Variants in ZNF423 observed in about 807,000 individuals in gnomAD.
ZNF423 encodes the protein Ebf-associated zinc finger protein.
In ZNF423, 12 loss-of-function variants were observed where a neutral mutation model predicts 95.8. The ratio of observed to expected loss-of-function variants is 0.13; its 90% CI spans 0.08 to 0.20. ZNF423 has a LOEUF of 0.20. Among genes scored for constraint, ZNF423 ranks in the 10% least tolerant of loss-of-function variants. The pLI, the probability that ZNF423 is intolerant of heterozygous loss-of-function variation, is 1.00. For synonymous variants in ZNF423, 749 were observed against 711.9 expected (o/e 1.05, Z -0.83); for missense variants, 1,316 against 1,737.1 (o/e 0.76, Z 4.31).
intron 3 of ZNF423, among the ~76,000 whole-genome samples, chr16:49,656,322 C>A (rs1335395455): frequency 1.3e-5 from 2 of 151,970 alleles, no homozygotes; most frequent in African/African-American, 4.8e-5. Context: ...ACCAGCCTGG[C>A]CAACATGGTG....
rs1967024115 is a variant in ZNF423, at chr16:49,492,810, G to C, written c.3850-1506C>G. ...TGGGACTTCTTAAGATGAAGACACC[G>C]AGGCCTAGGAAGGCAAAAATTACAG... On this transcript the variant is annotated intron_variant, in intron 7 of 7. Transcript: ENST00000563137. This position sits in a 1 kb window ranked among gnomAD's most constrained non-coding sequence, Gnocchi z 4.2. 1.3e-5 allele frequency among the ~76,000 whole-genome samples: 2 copies of C among 152,136 alleles called. No individual in the cohort carries two copies.
chr16:49,679,703 G>A (rs2031270656), intron 3 of ZNF423, among the ~76,000 whole-genome samples: 1 of 152,254 alleles, frequency 6.6e-6, no homozygotes, highest in South Asian at 2.1e-4. Flanking sequence ...ATGATTGATG[G>A]TGGCAGGAAG....
chr16:49,568,068 T>C (rs1171578045), intron 5 of ZNF423, among the ~76,000 whole-genome samples: 1 of 152,070 alleles, frequency 6.6e-6, no homozygotes, highest in Non-Finnish European at 1.5e-5. Flanking sequence ...ATTCCATGTC[T>C]CTGGATAAAG....
At chr16:49,833,814 C>T (rs2035087139) in intron 1 of ZNF423, among the ~76,000 whole-genome samples, 1 of 125,980 alleles carries the variant, frequency 7.9e-6, no homozygotes, top group South Asian at 2.9e-4. Flanking sequence ...GGAGCATGTG[C>T]AGGGGGGCAG....
chr16:49,731,192 G>A (rs1288200194), intron 2 of ZNF423: 2 of 540,520 alleles, frequency 3.7e-6, no homozygotes, highest in Non-Finnish European at 2.4e-6. Context: ...ATCTTCTAGG[G>A]GGATTTCCTG....
chr16:49,582,219 C>T (rs1302534710), intron 5 of ZNF423, among the ~76,000 whole-genome samples: 1 of 152,194 alleles, frequency 6.6e-6, no homozygotes, highest in Non-Finnish European at 1.5e-5. Context: ...ACTCTGTTCC[C>T]TTCCTGAATC....
chr16:49,763,879 G>C (rs1314673023), intron 2 of ZNF423, among the ~76,000 whole-genome samples: 1 of 152,116 alleles, frequency 6.6e-6, no homozygotes, highest in Non-Finnish European at 1.5e-5. Context: ...CCATTTGCTG[G>C]GTAGCTCGTT....
chr16:49,684,195 T>C (rs1189406011), intron 3 of ZNF423, among the ~76,000 whole-genome samples: 1 of 152,240 alleles, frequency 6.6e-6, no homozygotes, highest in Non-Finnish European at 1.5e-5. Context: ...TGGAATCCTG[T>C]AAATTCTCAT....
At chr16:49,761,052 G>GCACACA (rs35910612) in intron 2 of ZNF423, among the ~76,000 whole-genome samples, 194 of 150,826 alleles carry the variant, frequency 1.3e-3, no homozygotes, top group African/African-American at 3.3e-3. Flanking sequence ...ACACATACAT[G>GCACACA]CACACACACA....
rs1032550157 is a variant in ZNF423 at position 49,765,905 on chromosome 16, T to G, written c.100+23582A>C. On this transcript the variant is annotated intron_variant, in intron 2 of 7. Coordinates refer to ENST00000563137, the MANE Select transcript of ZNF423 (RefSeq NM_001379286.1). Reference sequence around the variant, plus strand: ...TTCATACAGATAGACAGTAGAATAGTGGCTGTCAGGGCCTAGGCGACGGGG... The same window carrying G: ...TTCATACAGATAGACAGTAGAATAGGGGCTGTCAGGGCCTAGGCGACGGGG... 1.0e-3 allele frequency among the ~76,000 whole-genome samples: 159 copies of G among 152,276 alleles called. 1 individual carries two copies. The highest frequency in any genetic ancestry group is 3.7e-3 in the African/African-American group (152 of 41,556).
chr16:49,749,709 A>C (rs2033596658), intron 2 of ZNF423, among the ~76,000 whole-genome samples: 1 of 141,120 alleles, frequency 7.1e-6, no homozygotes, highest in South Asian at 2.3e-4. Context: ...TCGTTTTGAG[A>C]GTCTGCCTTT....
At chr16:49,591,394 G>T (rs1409878028) in intron 5 of ZNF423, among the ~76,000 whole-genome samples, 2 of 151,116 alleles carry the variant, frequency 1.3e-5, no homozygotes, top group Admixed American at 6.6e-5. Context: ...AATAGTATGG[G>T]CATTGTAAGT....
At chr16:49,514,616 G>A (rs1434664086) in intron 7 of ZNF423, among the ~76,000 whole-genome samples, 1 of 152,162 alleles carries the variant, frequency 6.6e-6, no homozygotes. Flanking sequence ...AGGGCTCCGG[G>A]TTGCTTGTTA....
At chr16:49,550,682 T>C (rs901138519) in intron 5 of ZNF423, among the ~76,000 whole-genome samples, 3 of 152,242 alleles carry the variant, frequency 2.0e-5, no homozygotes, top group African/African-American at 7.2e-5. Flanking sequence ...CGTGGGGACA[T>C]CATTTGTGGA....
intron 3 of ZNF423, among the ~76,000 whole-genome samples, chr16:49,653,086 A>C (rs1013274791): frequency 8.5e-5 from 13 of 152,204 alleles, no homozygotes; most frequent in Admixed American, 8.5e-4. Context: ...TGGATAATCC[A>C]CATATTTAAC....
chr16:49,702,076 C>T (rs2032199806), intron 3 of ZNF423, among the ~76,000 whole-genome samples: 1 of 152,140 alleles, frequency 6.6e-6, no homozygotes, highest in Non-Finnish European at 1.5e-5. Context: ...TAAAAGGCAC[C>T]CCAGGGGATG....
At chr16:49,611,251 G>T (rs1971710889) in intron 5 of ZNF423, among the ~76,000 whole-genome samples, 1 of 151,922 alleles carries the variant, frequency 6.6e-6, no homozygotes, top group Non-Finnish European at 1.5e-5. Flanking sequence ...CCATATCATG[G>T]GTCATAAAAC....
At chr16:49,664,497 T>G (rs1366957086) in intron 3 of ZNF423, among the ~76,000 whole-genome samples, 1 of 152,160 alleles carries the variant, frequency 6.6e-6, no homozygotes, top group African/African-American at 2.4e-5. Context: ...CCCTGCCAGC[T>G]CTGAGATTCT....
At chr16:49,713,582 A>G (rs2032611298) in intron 3 of ZNF423, among the ~76,000 whole-genome samples, 1 of 151,312 alleles carries the variant, frequency 6.6e-6, no homozygotes. Flanking sequence ...ATGATGCCCC[A>G]CTCCTGGACA....
Sources: allele counts gnomAD v4.1 joint callset (sites outside exome capture counted in the v4.1 genomes callset), GRCh38; gene constraint gnomAD v4.1.1; non-coding constraint Gnocchi (gnomAD v3.1); transcripts MANE v1.5; gene names NCBI Gene and HGNC (gene_info 2026-07-23, HGNC 2026-07-21).